Variants in SPTBN2 observed in about 807,000 individuals in gnomAD.
SPTBN2 encodes spectrin beta chain, non-erythrocytic 2.
SPTBN2 carries 107 observed loss-of-function variants against 284.2 expected under a neutral mutation model. That is an observed-to-expected ratio of 0.38 (90% CI 0.32 to 0.44). The LOEUF (loss-of-function observed/expected upper bound fraction) is 0.44. Ranked by LOEUF, SPTBN2 falls within the 20% of genes least tolerant of loss-of-function variation. SPTBN2 has a pLI of 1.00. For synonymous variants in SPTBN2, 1,289 were observed against 1,354.8 expected, an observed-to-expected ratio of 0.95 and a Z score of 1.07; for missense variants, 2,569 against 3,287.1, an observed-to-expected ratio of 0.78 and a Z score of 5.34.
chr11:66,699,392 T>G lies in SPTBN2; in HGVS notation c.3776+14A>C. On this transcript the variant is annotated intron_variant, in intron 18 of 37. Coordinates refer to ENST00000533211, the MANE Select transcript of SPTBN2 (RefSeq NM_006946.4). Reference sequence around the variant, plus strand: ...CCCCTGGGAACCCTAATTCATGGACTGTCCTCATCAGACCTCCTCTCAATG... The same window carrying G: ...CCCCTGGGAACCCTAATTCATGGACGGTCCTCATCAGACCTCCTCTCAATG... 1 of 1,613,738 alleles carries G rather than the reference T, an allele frequency of 6.2e-7. No homozygotes were observed. The highest frequency in any genetic ancestry group is 8.5e-7 in the Non-Finnish European group (1 of 1,179,820).
At position 66,727,711 on chromosome 11, in the gene SPTBN2, G is replaced by T. The variant is rs987910321; in HGVS notation, c.-114+1030C>A. On this transcript the variant is annotated intron_variant, in intron 1 of 37. Transcript: ENST00000533211. ...GCGCGTGGAGCCAGCTGCCAAAGAG[G>T]CGAGGAGGAGCCCACGCGGCTCCGG... Among the ~76,000 whole-genome samples, 74 of 152,040 alleles carry T rather than the reference G, an allele frequency of 4.9e-4. 1 individual carries two copies. Among genetic ancestry groups the T allele is most frequent in the African/African-American group, 1.7e-3 (71 of 41,440 alleles).
intron 7 of SPTBN2, 101 bp downstream of exon 7, chr11:66,713,990 T>C (rs935057714): frequency 7.9e-7 from 1 of 1,265,716 alleles, no homozygotes; most frequent in Non-Finnish European, 1.2e-6. Flanking sequence ...TCCTTCCGTC[T>C]GACTGCTGTG....
chr11:66,727,669 T>TG (rs1942669742), intron 1 of SPTBN2, among the ~76,000 whole-genome samples: 2 of 151,808 alleles, frequency 1.3e-5, no homozygotes. Context: ...CCACACACTG[T>TG]GGGGGAACAG....
rs755794446 is a variant in SPTBN2 at position 66,705,170 on chromosome 11, C to G, written c.2106G>C (p.Glu702Asp). The change falls in exon 15 of 38, where the codon GAG (glutamate) becomes GAC (aspartate). Residue 702 changes from glutamate to aspartate, a missense_variant. By Grantham distance (45) the Glu-to-Asp change is conservative. Transcript: ENST00000533211. ...GRLGPLKLTL[E>D]QGQQLVAEGH... ...CCTCGGCCACCAACTGCTGGCCCTG[C>G]TCCAGGGTGAGCTTCAGGGGCCCCA... 2 of 1,535,384 alleles carry G rather than the reference C, an allele frequency of 1.3e-6. No homozygotes were observed. Among genetic ancestry groups the G allele is most frequent in the South Asian group, 2.4e-5 (2 of 84,444 alleles).
At chr11:66,698,391 T>C (rs1395897607) in intron 20 of SPTBN2, among the ~76,000 whole-genome samples, 3 of 152,272 alleles carry the variant, frequency 2.0e-5, no homozygotes, top group African/African-American at 4.8e-5. Context: ...GGAACAGTTA[T>C]GGCGTTAAAT....
intron 31 of SPTBN2, 132 bp downstream of exon 31, chr11:66,688,521 A>G (rs1345645196): frequency 2.1e-6 from 3 of 1,457,972 alleles, no homozygotes; most frequent in Non-Finnish European, 2.8e-6. Flanking sequence ...TGTGGTGACA[A>G]TGGCACTCTC....
Position 66,693,405 on chromosome 11 carries a change from C to G in SPTBN2, c.4635G>C (p.Ala1545=), listed in dbSNP as rs200491399. The G allele has an allele frequency of 3.7e-6, 6 of 1,600,506 alleles. No homozygotes were observed. The highest frequency in any genetic ancestry group is 1.3e-5 in the African/African-American group (1 of 75,064). Residue 1545 remains alanine (A), a synonymous_variant, in exon 24 of 38, where the codon GCG becomes GCC. Coordinates refer to ENST00000533211, the MANE Select transcript of SPTBN2 (RefSeq NM_006946.4). The surrounding 1 kb of genome is among the most constrained non-coding windows in gnomAD (Gnocchi z 5.7). ...KEIQGHEPRI[A]DLRERQRALG... ...GAGCACGCTGCCGCTCCCTCAGGTC[C>G]GCGATCCGGGGCTCATGGCCCTGAA...
At chr11:66,690,880 G>T (rs1228252423) in intron 27 of SPTBN2, among the ~76,000 whole-genome samples, 5 of 152,014 alleles carry the variant, frequency 3.3e-5, no homozygotes, top group Non-Finnish European at 7.4e-5. Context: ...TGCAGTGGAG[G>T]GATCTCAGCT....
chr11:66,688,290 G>A lies in SPTBN2; in HGVS notation c.6253C>T (p.Arg2085Ter), dbSNP rs1018231878. ...LTALEEREKE[R>*]KRKREEEERR... is the part of the protein sequence containing the mutation. ...TCCTCCTCCTCCCTCTTTCTCTTTC[G>A]CTCCTTCTCCCGCTCCTCTAGCTGT... The change falls in exon 32 of 38, where the codon CGA (arginine) becomes TGA (stop). Residue 2085 changes from arginine (R) to a stop codon, truncating the protein, a stop_gained. Transcript: ENST00000533211. LOFTEE classifies it high-confidence loss of function. 1.2e-6 allele frequency: 2 copies of A among 1,604,744 alleles called. No individual in the cohort carries two copies. The highest frequency in any genetic ancestry group is 2.3e-5 in the East Asian group (1 of 44,416).
chr11:66,739,636 T>A (rs185338215), intron 1 of SPTBN2, among the ~76,000 whole-genome samples: 58 of 152,354 alleles, frequency 3.8e-4, no homozygotes, highest in African/African-American at 1.2e-3. Flanking sequence ...ATTACAGTGC[T>A]GTTTGCATTC....
At chr11:66,688,590 C>T in intron 31 of SPTBN2, 63 bp downstream of exon 31, 2 of 1,598,776 alleles carry the variant, frequency 1.3e-6, no homozygotes, top group South Asian at 1.1e-5. Flanking sequence ...CTTCTCCAAG[C>T]AGAAGCCAGC....
Position 66,700,762 on chromosome 11 carries a change from CT to C in SPTBN2, c.3336del (p.Glu1113ArgfsTer19). ...ALLAQHAALR[G>X]EVERAQSEYS... Reference sequence around the variant, plus strand: ...TACTCGCTCTGGGCCCGCTCCACCTCTCCCCGCAGGGCTGCATGTTGGGCCA... The same window carrying C: ...TACTCGCTCTGGGCCCGCTCCACCTCCCCCGCAGGGCTGCATGTTGGGCCA... On this transcript the variant is annotated frameshift_variant, in exon 17 of 38. Coordinates refer to ENST00000533211, the MANE Select transcript of SPTBN2 (RefSeq NM_006946.4). LOFTEE classifies it high-confidence loss of function. The surrounding 1 kb of genome is among the most constrained non-coding windows in gnomAD (Gnocchi z 6.6). 1 of 1,602,334 alleles carries C rather than the reference CT, an allele frequency of 6.2e-7. No individual in the cohort carries two copies. The highest frequency in any genetic ancestry group is 8.5e-7 in the Non-Finnish European group (1 of 1,179,804).
intron 20 of SPTBN2, among the ~76,000 whole-genome samples, chr11:66,697,154 C>G (rs1015639305): frequency 6.6e-6 from 1 of 152,156 alleles, no homozygotes; most frequent in Non-Finnish European, 1.5e-5. Flanking sequence ...TCTACACCCC[C>G]GCAGAATGCC....
At chr11:66,738,105 C>T (rs1459451359) in intron 1 of SPTBN2, among the ~76,000 whole-genome samples, 4 of 152,092 alleles carry the variant, frequency 2.6e-5, no homozygotes, top group African/African-American at 9.7e-5. Flanking sequence ...ATCCCAGCTA[C>T]TCAGGAGGCT....
intron 1 of SPTBN2, among the ~76,000 whole-genome samples, chr11:66,738,673 G>A (rs1353346695): frequency 1.3e-5 from 2 of 151,988 alleles, no homozygotes; most frequent in Middle Eastern, 3.2e-3. Context: ...TCGCCACCAC[G>A]CCCGGCTAAT....
In SPTBN2 at chr11:66,699,335, T is replaced by G. The variant is rs201540937; in HGVS notation, c.3776+71A>C. The G allele has an allele frequency of 2.5e-5, 40 of 1,580,422 alleles. No individual in the cohort carries two copies. The East Asian group carries it at 8.7e-4, about 35-fold the overall frequency. ...ATCTGTGGGTTTCCTGTGCCACGTT[T>G]ATCTTTGAGGTCACCCTGTTTCTCC... On this transcript the variant is annotated intron_variant, in intron 18 of 37. Transcript: ENST00000533211.
At chr11:66,734,707 G>A (rs1302229996) in intron 1 of SPTBN2, among the ~76,000 whole-genome samples, 1 of 152,148 alleles carries the variant, frequency 6.6e-6, no homozygotes, top group African/African-American at 2.4e-5. Context: ...AGCGCCATGA[G>A]GGAAGAGAAC....
chr11:66,743,138 G>A (rs1182383126), intron 1 of SPTBN2, among the ~76,000 whole-genome samples: 1 of 151,900 alleles, frequency 6.6e-6, no homozygotes, highest in Admixed American at 6.6e-5. Context: ...GGAGCTCTGC[G>A]GGGGGTGTGG....
Position 66,725,645 on chromosome 11 carries a change from C to T in SPTBN2, c.-114+3096G>A, listed in dbSNP as rs184794867. Among the ~76,000 whole-genome samples, 25 of 152,322 alleles carry T rather than the reference C, an allele frequency of 1.6e-4. No homozygotes were observed. The East Asian group carries it at 4.6e-3, about 28-fold the overall frequency. ...CAGTAGCTAATCCAGATTACAGTCT[C>T]ATCATACCTTATTCTTAGCAATTGA... On this transcript the variant is annotated intron_variant, in intron 1 of 37. Transcript: ENST00000533211.
Sources: allele counts gnomAD v4.1 joint callset (sites outside exome capture counted in the v4.1 genomes callset), GRCh38; gene constraint gnomAD v4.1.1; non-coding constraint Gnocchi (gnomAD v3.1); transcripts MANE v1.5; gene names NCBI Gene and HGNC (gene_info 2026-07-23, HGNC 2026-07-21).